KLF12: variants seen among roughly 807,000 people sequenced by gnomAD.
KLF12 encodes the protein KLF transcription factor 12.
KLF12 carries 9 observed loss-of-function variants against 37.8 expected under a neutral mutation model. The observed-to-expected ratio is 0.24, with a 90% CI of 0.14 to 0.42. KLF12 has a LOEUF of 0.42. KLF12 is among the 10% of genes least tolerant of loss of function. KLF12 has a pLI of 1.00. For missense variants in KLF12, 411 were observed against 516.0 expected, an observed-to-expected ratio of 0.80 and a Z score of 1.97; for synonymous variants, 208 against 202.1, an observed-to-expected ratio of 1.03 and a Z score of -0.25.
chr13:73,857,363 A>G (rs1290572939), intron 3 of KLF12, among the ~76,000 whole-genome samples: 1 of 152,198 alleles, frequency 6.6e-6, no homozygotes. Flanking sequence ...GGACACAGAA[A>G]ATGATGTTGA....
At chr13:73,788,858 T>C (rs1388562832) in intron 5 of KLF12, among the ~76,000 whole-genome samples, 2 of 152,196 alleles carry the variant, frequency 1.3e-5, no homozygotes, top group African/African-American at 4.8e-5. Context: ...AATCATACTC[T>C]AGTGAAAAGT....
At chr13:74,136,825 G>T (rs1023181188), upstream of KLF12, among the ~76,000 whole-genome samples, 1 of 151,780 alleles carries the variant, frequency 6.6e-6, no homozygotes, top group African/African-American at 2.4e-5. Flanking sequence ...AAAAGATGCA[G>T]ATTTTAAAAA....
the KLF12 span, among the ~76,000 whole-genome samples, chr13:74,181,913 G>A: frequency 6.6e-6 from 1 of 152,034 alleles, no homozygotes; most frequent in African/African-American, 2.4e-5. Context: ...AATATTTGTG[G>A]TATGGTATGT....
chr13:74,112,419 T>TG (rs1555272984), intron 1 of KLF12, among the ~76,000 whole-genome samples: 2 of 147,430 alleles, frequency 1.4e-5, no homozygotes, highest in Non-Finnish European at 3.0e-5. Context: ...TGTGTGTGTG[T>TG]TTTGTTTTGA....
At chr13:74,102,090 T>G (rs920422023) in intron 1 of KLF12, among the ~76,000 whole-genome samples, 2 of 151,848 alleles carry the variant, frequency 1.3e-5, no homozygotes, top group Non-Finnish European at 2.9e-5. Context: ...TGGTGGCAGA[T>G]GCCTGTAATT....
chr13:74,066,335 T>A (rs1037089152), intron 1 of KLF12, among the ~76,000 whole-genome samples: 2 of 152,146 alleles, frequency 1.3e-5, no homozygotes, highest in Non-Finnish European at 2.9e-5. Context: ...ATTAAATATA[T>A]CCATTACCAA....
chr13:74,241,828 A>G, the KLF12 span, among the ~76,000 whole-genome samples: 6 of 152,028 alleles, frequency 3.9e-5, no homozygotes, highest in Non-Finnish European at 4.4e-5. Flanking sequence ...GCACCCACTG[A>G]CCTGCGCCCA....
chr13:74,213,957 A>G, the KLF12 span, among the ~76,000 whole-genome samples: 2 of 151,890 alleles, frequency 1.3e-5, no homozygotes, highest in Non-Finnish European at 2.9e-5. Context: ...CTCTTTACCT[A>G]TTGTTTTAAT....
chr13:73,776,525 C>A (rs879862025), intron 5 of KLF12, among the ~76,000 whole-genome samples: 32 of 152,294 alleles, frequency 2.1e-4, no homozygotes, highest in African/African-American at 7.0e-4. Flanking sequence ...GGACAAATAG[C>A]AATGCACCCA....
intron 1 of KLF12, among the ~76,000 whole-genome samples, chr13:74,116,803 G>A (rs899533532): frequency 6.6e-6 from 1 of 151,884 alleles, no homozygotes; most frequent in African/African-American, 2.4e-5. Context: ...GTACTATCTA[G>A]CAGATTATAA....
intron 1 of KLF12, among the ~76,000 whole-genome samples, chr13:74,022,357 C>T (rs973037945): frequency 6.6e-6 from 1 of 152,164 alleles, no homozygotes; most frequent in Non-Finnish European, 1.5e-5. Flanking sequence ...ATGTCCTGCA[C>T]AAAAATTATC....
intron 1 of KLF12, among the ~76,000 whole-genome samples, chr13:74,055,433 C>T (rs1324063324): frequency 6.6e-6 from 1 of 152,148 alleles, no homozygotes; most frequent in Non-Finnish European, 1.5e-5. Context: ...TGTCTGGAAA[C>T]TGTATTTTCT....
chr13:73,822,193 T>C (rs1883566173), intron 4 of KLF12, among the ~76,000 whole-genome samples: 1 of 152,236 alleles, frequency 6.6e-6, no homozygotes, highest in South Asian at 2.1e-4. Flanking sequence ...TACATTCTAA[T>C]ATTAACATTT....
the KLF12 span, among the ~76,000 whole-genome samples, chr13:74,264,771 A>G: frequency 6.6e-6 from 1 of 152,240 alleles, no homozygotes; most frequent in African/African-American, 2.4e-5. Context: ...CAAAATAAAT[A>G]CACAAAATAA....
intron 3 of KLF12, among the ~76,000 whole-genome samples, chr13:73,851,429 A>C (rs1041858781): frequency 6.6e-6 from 1 of 152,190 alleles, no homozygotes; most frequent in Non-Finnish European, 1.5e-5. Flanking sequence ...GTCATTTGAT[A>C]CTTTTTTTTC....
intron 5 of KLF12, among the ~76,000 whole-genome samples, chr13:73,792,998 C>G (rs1272663696): frequency 2.0e-5 from 3 of 152,166 alleles, no homozygotes; most frequent in African/African-American, 7.2e-5. Context: ...CATGTGTGCT[C>G]TAGTAACGTA....
At chr13:74,277,938 T>A in the KLF12 span, among the ~76,000 whole-genome samples, 1 of 152,158 alleles carries the variant, frequency 6.6e-6, no homozygotes, top group African/African-American at 2.4e-5. Flanking sequence ...CTCCTATTAG[T>A]GAAATTTTCT....
chr13:73,728,425 C>T (rs529848401), intron 6 of KLF12, among the ~76,000 whole-genome samples: 1 of 152,250 alleles, frequency 6.6e-6, no homozygotes, highest in African/African-American at 2.4e-5. Context: ...TTACTTCTTC[C>T]TTTCTAATCT....
chr13:74,095,077 T>C (rs1255974309), intron 1 of KLF12, among the ~76,000 whole-genome samples: 2 of 152,246 alleles, frequency 1.3e-5, no homozygotes, highest in East Asian at 1.9e-4. Context: ...TCAGTTCTAA[T>C]AAAGATTTCT....
Sources: allele counts gnomAD v4.1 joint callset (sites outside exome capture counted in the v4.1 genomes callset), GRCh38; gene constraint gnomAD v4.1.1; transcripts MANE v1.5; gene names NCBI Gene and HGNC (gene_info 2026-07-23, HGNC 2026-07-21).